H2BC18: variants seen among roughly 807,000 people sequenced by gnomAD.
H2BC18 encodes the protein H2B clustered histone 18.
In H2BC18, 8 loss-of-function variants were observed where a neutral mutation model predicts 6.3. The ratio of observed to expected loss-of-function variants is 1.28; its 90% CI spans 0.75 to 2.31. The LOEUF is 2.31. H2BC18 is among the 30% of genes most tolerant of loss of function. H2BC18 has a pLI of 0.00. For missense variants in H2BC18, 106 were observed against 174.5 expected (o/e 0.61, Z 2.21); for synonymous variants, 104 against 78.1 (o/e 1.33, Z -1.75).
downstream of H2BC18, chr1:149,811,669 AGAACGAGTCAAACCTTTC>A (rs1458050057): frequency 1.8e-6 from 1 of 542,634 alleles, no homozygotes. Context: ...CAAATATCCC[AGAACGAGTCAAACCTTTC>A]GAATCTCGTA....
intron 1 of H2BC18, among the ~76,000 whole-genome samples, chr1:149,802,655 A>G (rs2091883845): frequency 6.6e-6 from 1 of 152,232 alleles, no homozygotes. Flanking sequence ...TGAGGAAGAA[A>G]GAAGCCAGTA....
intron 1 of H2BC18, among the ~76,000 whole-genome samples, chr1:149,785,423 T>C (rs1240288353): frequency 7.3e-6 from 1 of 136,570 alleles, no homozygotes; most frequent in African/African-American, 2.7e-5. Flanking sequence ...TTTTTTTTTT[T>C]TTTTTTTTTT....
At chr1:149,799,435 C>T (rs1411206640) in intron 1 of H2BC18, among the ~76,000 whole-genome samples, 2 of 152,128 alleles carry the variant, frequency 1.3e-5, no homozygotes, top group Admixed American at 6.5e-5. Context: ...TTTAATAGGA[C>T]CTTGCAATCT....
chr1:149,785,616 A>T (rs1183915609), intron 1 of H2BC18: 1 of 151,858 alleles, frequency 6.6e-6, no homozygotes, highest in African/African-American at 2.4e-5. Flanking sequence ...ACCTCTACAC[A>T]GACTCTAGGA....
At chr1:149,793,097 C>T (rs1456820270) in intron 1 of H2BC18, 7 of 1,274,190 alleles carry the variant, frequency 5.5e-6, no homozygotes, top group South Asian at 3.7e-5. Context: ...TGCCGCCAAG[C>T]CCCGGGGATG....
In H2BC18 at chr1:149,787,063, T is replaced by C. The variant is rs367713558; in HGVS notation, c.378-3803A>G. ...TGTTTGACAGTTTCTGATGGAGATG[T>C]GACAGCACTTCCCACTCTTTTGGAT... is the stretch of plus-strand genomic sequence containing the variant. On this transcript the variant is annotated intron_variant, in intron 1 of 1. Transcript: ENST00000545683. 2.2e-4 allele frequency: 34 copies of C among 152,382 alleles called. 1 individual carries two copies. The highest frequency in any genetic ancestry group is 7.7e-4 in the African/African-American group (32 of 41,592). The allele number at this position is 152,382 out of a possible 1,614,324, so 9.4% of individuals were successfully genotyped here. A position where few individuals can be genotyped will look rare whatever the true frequency, so the allele number is the denominator to read the frequency against.
At chr1:149,794,069 T>C in intron 1 of H2BC18, 1 of 530,402 alleles carries the variant, frequency 1.9e-6, no homozygotes, top group Non-Finnish European at 3.4e-6. Flanking sequence ...CAGGCTTAGT[T>C]GGAGACAGAT....
chr1:149,789,163 T>A (rs1241131415), intron 1 of H2BC18, among the ~76,000 whole-genome samples: 12 of 150,918 alleles, frequency 8.0e-5, no homozygotes, highest in Non-Finnish European at 1.3e-4. Flanking sequence ...CCTTTCTCTG[T>A]CTGAGAAAAA....
At chr1:149,802,508 A>T (rs1485727424) in intron 1 of H2BC18, among the ~76,000 whole-genome samples, 1 of 152,204 alleles carries the variant, frequency 6.6e-6, no homozygotes, top group Non-Finnish European at 1.5e-5. Context: ...GAGGGACAAA[A>T]CTAATAGGGG....
chr1:149,802,229 C>A (rs1464056466), intron 1 of H2BC18, among the ~76,000 whole-genome samples: 3 of 152,108 alleles, frequency 2.0e-5, no homozygotes, highest in Non-Finnish European at 4.4e-5. Flanking sequence ...AAATCTCCTA[C>A]AAAGACACTT....
At chr1:149,808,583 A>ATCTCTTTT (rs2091944442), downstream of H2BC18, among the ~76,000 whole-genome samples, 2 of 152,230 alleles carry the variant, frequency 1.3e-5, no homozygotes, top group Non-Finnish European at 2.9e-5. Flanking sequence ...AAAGGAAAAT[A>ATCTCTTTT]TTACAACCTG....
intron 1 of H2BC18, chr1:149,788,382 G>A: frequency 6.2e-7 from 1 of 1,613,040 alleles, no homozygotes; most frequent in Non-Finnish European, 8.5e-7. Context: ...TACTACTGCA[G>A]GTCTCCAGCA....
chr1:149,793,001 C>G (rs1238794649), intron 1 of H2BC18: 1 of 1,273,494 alleles, frequency 7.9e-7, no homozygotes, highest in Non-Finnish European at 1.0e-6. Context: ...AGGCGCGTAG[C>G]TGAGTCCCTC....
At chr1:149,786,607 C>T (rs1307974768) in intron 1 of H2BC18, 3 of 152,070 alleles carry the variant, frequency 2.0e-5, no homozygotes, top group South Asian at 2.1e-4. Context: ...TTGGTGGACC[C>T]GAGCCCTAAT....
chr1:149,789,029 C>T (rs2091627541), intron 1 of H2BC18, among the ~76,000 whole-genome samples: 1 of 151,864 alleles, frequency 6.6e-6, no homozygotes, highest in African/African-American at 2.4e-5. Context: ...TGTCCATCTA[C>T]CTCTCAGGGA....
chr1:149,790,370 A>G (rs1553751641), intron 1 of H2BC18: 6 of 1,567,236 alleles, frequency 3.8e-6, no homozygotes, highest in Middle Eastern at 2.3e-4. Flanking sequence ...CCACTGGCAC[A>G]GAAGAAGGGA....
At chr1:149,807,008 G>A (rs1225534990), downstream of H2BC18, among the ~76,000 whole-genome samples, 2 of 151,948 alleles carry the variant, frequency 1.3e-5, no homozygotes, top group South Asian at 2.1e-4. Flanking sequence ...GCTGCTTTGT[G>A]GGAAATATAG....
downstream of H2BC18, among the ~76,000 whole-genome samples, chr1:149,809,879 G>GT (rs2091955733): frequency 6.6e-6 from 1 of 150,448 alleles, no homozygotes; most frequent in Non-Finnish European, 1.5e-5. Flanking sequence ...TCAGAACAAT[G>GT]TAACAAAAGC....
At chr1:149,790,448 C>T in intron 1 of H2BC18, 1 of 1,532,738 alleles carries the variant, frequency 6.5e-7, no homozygotes, top group Non-Finnish European at 8.8e-7. Context: ...GGGAAAGTCT[C>T]TTCAGGAAAA....
Sources: allele counts gnomAD v4.1 joint callset (sites outside exome capture counted in the v4.1 genomes callset), GRCh38; gene constraint gnomAD v4.1.1; transcripts MANE v1.5; gene names NCBI Gene and HGNC (gene_info 2026-07-23, HGNC 2026-07-21).